The following PSMA3 variants were observed in gnomAD, a reference collection of about 807,000 sequenced individuals.
PSMA3 encodes proteasome subunit alpha type-3.
Under a neutral mutation model 40.0 loss-of-function variants are expected in PSMA3, and 8 were observed. The observed-to-expected ratio is 0.20, with a 90% CI of 0.12 to 0.36. PSMA3 has a LOEUF of 0.36. PSMA3 is among the 10% of genes least tolerant of loss of function. The pLI, the probability that PSMA3 is intolerant of heterozygous loss-of-function variation, is 1.00. For synonymous variants in PSMA3, 110 were observed against 100.0 expected, an observed-to-expected ratio of 1.10 and a Z score of -0.59; for missense variants, 219 against 310.6, an observed-to-expected ratio of 0.70 and a Z score of 2.22.
At chr14:58,258,204 G>A in intron 5 of PSMA3, 1 of 487,742 alleles carries the variant, frequency 2.1e-6, no homozygotes. Context: ...TTGGGAGGTT[G>A]AGGTGGGAGG....
chr14:58,261,514 A>G (rs1028672556), intron 6 of PSMA3, among the ~76,000 whole-genome samples: 2 of 152,202 alleles, frequency 1.3e-5, no homozygotes, highest in Non-Finnish European at 2.9e-5. Flanking sequence ...TACGAGGCAG[A>G]GGAAAGATTT....
chr14:58,246,230 C>T (rs1889876925), intron 1 of PSMA3, among the ~76,000 whole-genome samples: 1 of 152,134 alleles, frequency 6.6e-6, no homozygotes, highest in South Asian at 2.1e-4. Context: ...GTTTAATAGT[C>T]ATTTCGTACT....
chr14:58,256,450 T>C (rs1890146954), intron 3 of PSMA3, among the ~76,000 whole-genome samples: 1 of 150,078 alleles, frequency 6.7e-6, no homozygotes. Flanking sequence ...AGTCTCGCTC[T>C]GTTGCCCAGG....
intron 1 of PSMA3, chr14:58,245,323 G>C (rs1347406434): frequency 8.4e-6 from 2 of 238,112 alleles, no homozygotes; most frequent in South Asian, 1.2e-4. Context: ...CCGGGGTCTG[G>C]AGATCGTGCT....
At chr14:58,270,825 C>A (rs1477354023) in intron 9 of PSMA3, 109 bp from the exon 10 acceptor site, 1 of 963,210 alleles carries the variant, frequency 1.0e-6, no homozygotes, top group Non-Finnish European at 1.5e-6. Flanking sequence ...TACAACTTTG[C>A]AACCTTAGGT....
chr14:58,249,607 G>T (rs533561232), intron 2 of PSMA3, among the ~76,000 whole-genome samples: 1 of 152,162 alleles, frequency 6.6e-6, no homozygotes, highest in South Asian at 2.1e-4. Flanking sequence ...CGACCTCCTG[G>T]TCTCGAGCTA....
chr14:58,270,600 A>G (rs1890586188), intron 9 of PSMA3, 115 bp downstream of exon 9: 1 of 1,522,818 alleles, frequency 6.6e-7, no homozygotes, highest in East Asian at 2.3e-5. Flanking sequence ...TAGGTTGTCT[A>G]ATGAAGGGAA....
chr14:58,258,721 C>T (rs1890204276), intron 5 of PSMA3, among the ~76,000 whole-genome samples: 1 of 151,544 alleles, frequency 6.6e-6, no homozygotes, highest in African/African-American at 2.4e-5. Context: ...AATTTGGCTT[C>T]ACAGAGAAGA....
chr14:58,265,048 C>A (rs560245840), intron 7 of PSMA3: 1 of 152,302 alleles, frequency 6.6e-6, no homozygotes, highest in East Asian at 1.9e-4. Context: ...ACTGCTTGAG[C>A]CCAGTAGTTC....
At chr14:58,245,185 A>G in intron 1 of PSMA3, 1 of 549,240 alleles carries the variant, frequency 1.8e-6, no homozygotes, top group Non-Finnish European at 3.3e-6. Context: ...CGCCGCAGTG[A>G]GGTTTGGAGC....
chr14:58,254,469 C>T (rs1422151696), intron 3 of PSMA3, among the ~76,000 whole-genome samples: 2 of 150,544 alleles, frequency 1.3e-5, no homozygotes, highest in Admixed American at 6.7e-5. Context: ...TCCCAAATAG[C>T]TGTGACTACA....
intron 7 of PSMA3, 120 bp from the exon 8 acceptor site, chr14:58,267,354 G>T (rs1436156607): frequency 4.8e-6 from 6 of 1,254,750 alleles, no homozygotes; most frequent in Non-Finnish European, 6.0e-6. Context: ...TTCGATTCTG[G>T]TCTTTTTCAG....
chr14:58,248,015 T>C (rs1282493042), intron 2 of PSMA3, among the ~76,000 whole-genome samples, 183 bp downstream of exon 2: 1 of 152,218 alleles, frequency 6.6e-6, no homozygotes, highest in Non-Finnish European at 1.5e-5. Flanking sequence ...TTCTCGTTGA[T>C]TCCAGGATTA....
chr14:58,262,876 C>T lies in PSMA3; in HGVS notation c.478-829C>T, dbSNP rs113860107. On this transcript the variant is annotated intron_variant, in intron 6 of 10. Transcript: ENST00000216455. The stretch of plus-strand genomic sequence containing the variant: ...TGAGCCACTGCACCCGGCCTGTTAC[C>T]GTTTCTTAACTGTTTTCTTATCCTT... 8.3e-3 allele frequency among the ~76,000 whole-genome samples: 1,260 copies of T among 151,992 alleles called. 22 individuals are homozygous for T. The highest frequency in any genetic ancestry group is 0.028 in the African/African-American group (1,173 of 41,458).
intron 5 of PSMA3, 40 bp downstream of exon 5, chr14:58,258,038 C>T: frequency 6.9e-7 from 1 of 1,450,964 alleles, no homozygotes; most frequent in South Asian, 1.1e-5. Flanking sequence ...CAGATCTGTA[C>T]TATAGATATT....
chr14:58,245,113 C>A, intron 1 of PSMA3, 172 bp downstream of exon 1: 3 of 754,934 alleles, frequency 4.0e-6, no homozygotes, highest in Non-Finnish European at 6.7e-6. Flanking sequence ...ATATGCTAGG[C>A]CTGCGTCTCA....
chr14:58,260,033 TGG>T (rs1890236925), intron 5 of PSMA3, among the ~76,000 whole-genome samples: 1 of 152,166 alleles, frequency 6.6e-6, no homozygotes, highest in African/African-American at 2.4e-5. Flanking sequence ...ACGGTAGGGA[TGG>T]GAATTGAATA....
At position 58,249,129 on chromosome 14, in the gene PSMA3, T is replaced by G. The variant is rs572496898; in HGVS notation, c.104+1297T>G. Among the ~76,000 whole-genome samples the G allele has an allele frequency of 3.0e-4, 45 of 151,962 alleles. 1 individual carries two copies. The highest frequency in any genetic ancestry group is 1.1e-3 in the African/African-American group (44 of 41,484). ...ACATGCACCACCATGGCCCGCTAAT[T>G]TTGTATTTTTAGTAGAGACAGGGTT... On this transcript the variant is annotated intron_variant, in intron 2 of 10. Coordinates refer to ENST00000216455, the MANE Select transcript of PSMA3 (RefSeq NM_002788.4).
At chr14:58,252,033 A>T in intron 2 of PSMA3, 86 bp from the exon 3 acceptor site, 2 of 1,388,288 alleles carry the variant, frequency 1.4e-6, no homozygotes, top group South Asian at 1.4e-5. Context: ...CTTAAATGTT[A>T]CTTATTTTGT....
Sources: gnomAD v4.1 joint callset for allele counts (sites outside exome capture counted in the v4.1 genomes callset) on GRCh38, gnomAD v4.1.1 for gene constraint, MANE v1.5 for transcripts, NCBI Gene and HGNC (gene_info 2026-07-23, HGNC 2026-07-21) for gene names.